DTNB: variants seen among roughly 807,000 people sequenced by gnomAD.
The protein encoded by DTNB is dystrobrevin beta.
DTNB carries 63 observed loss-of-function variants against 90.7 expected under a neutral mutation model. The ratio of observed to expected loss-of-function variants is 0.69; its 90% CI spans 0.57 to 0.86. The LOEUF is 0.86. Among genes scored for constraint, DTNB ranks in the 40% least tolerant of loss-of-function variants. The probability of loss-of-function intolerance (pLI) is 0.00; values close to 1 mark genes in which losing one functional copy is unlikely to be tolerated. For synonymous variants in DTNB, 277 were observed against 286.7 expected, an observed-to-expected ratio of 0.97 and a Z score of 0.34; for missense variants, 744 against 807.1, an observed-to-expected ratio of 0.92 and a Z score of 0.95.
At chr2:25,654,845 G>C (rs573866533) in intron 1 of DTNB, among the ~76,000 whole-genome samples, 4 of 152,328 alleles carry the variant, frequency 2.6e-5, no homozygotes, top group Non-Finnish European at 5.9e-5. Flanking sequence ...GTGTAAAACT[G>C]TGATGATCAC....
intron 16 of DTNB, chr2:25,419,194 A>G (rs185908960): frequency 2.3e-6 from 1 of 437,096 alleles, no homozygotes; most frequent in African/African-American, 2.0e-5. Flanking sequence ...CAAGCAATTA[A>G]AATCACTCCA....
chr2:25,673,269 C>T (rs999986909), intron 1 of DTNB, 117 bp downstream of exon 1: 2 of 151,734 alleles, frequency 1.3e-5, no homozygotes, highest in African/African-American at 4.8e-5. Flanking sequence ...GCCGCACCCG[C>T]AGGCTCCCGG....
chr2:25,666,305 A>C (rs1463244053), intron 1 of DTNB, among the ~76,000 whole-genome samples: 6 of 152,198 alleles, frequency 3.9e-5, no homozygotes, highest in East Asian at 1.9e-4. Context: ...GAAATGCCCC[A>C]AAAAAAGGCC....
intron 10 of DTNB, among the ~76,000 whole-genome samples, chr2:25,469,847 C>T (rs947231587): frequency 2.0e-5 from 3 of 152,110 alleles, no homozygotes; most frequent in Non-Finnish European, 2.9e-5. Context: ...GAAATGACTA[C>T]CTGCAGTGTA....
intron 11 of DTNB, among the ~76,000 whole-genome samples, chr2:25,454,706 T>C (rs1005521927): frequency 2.0e-5 from 3 of 152,210 alleles, no homozygotes; most frequent in African/African-American, 7.2e-5. Context: ...TTAGCAGTTA[T>C]CAAACGTTTT....
At chr2:25,482,633 A>G (rs79895726) in intron 10 of DTNB, among the ~76,000 whole-genome samples, 163 bp downstream of exon 10, 4,254 of 152,202 alleles carry the variant, frequency 0.028, 157 homozygotes, top group African/African-American at 0.086. Context: ...AAAGGAAAAT[A>G]AAAAGTAGAA....
intron 10 of DTNB, among the ~76,000 whole-genome samples, chr2:25,469,299 T>C (rs1313107606): frequency 6.6e-6 from 1 of 152,040 alleles, no homozygotes; most frequent in Admixed American, 6.6e-5. Flanking sequence ...GAAGGGTATG[T>C]GCAAAAGTGC....
In DTNB at chr2:25,641,175, G is replaced by A. The variant is rs1227763073; in HGVS notation, c.68-2081C>T. ...ATCACCATAAAGCCCAGTGGAAAAA[G>A]GGTACAGAGATTAGTAGGATGGCAC... On this transcript the variant is annotated intron_variant, in intron 2 of 20. Coordinates refer to ENST00000406818, the MANE Select transcript of DTNB (RefSeq NM_021907.5). 2.6e-5 allele frequency among the ~76,000 whole-genome samples: 4 copies of A among 152,272 alleles called. No homozygotes were observed. The East Asian group carries it at 7.7e-4, about 29-fold the overall frequency.
At chr2:25,400,178 T>A (rs1210726007) in intron 16 of DTNB, among the ~76,000 whole-genome samples, 1 of 152,220 alleles carries the variant, frequency 6.6e-6, no homozygotes, top group Non-Finnish European at 1.5e-5. Context: ...CTGGAGTGTG[T>A]GGCGCACATG....
intron 19 of DTNB, 162 bp from the exon 20 acceptor site, chr2:25,379,485 G>C (rs769536748): frequency 3.4e-6 from 3 of 884,806 alleles, no homozygotes; most frequent in Non-Finnish European, 4.5e-6. Context: ...TGACAGCAGG[G>C]TAGAGTCATA....
chr2:25,437,743 T>C (rs902402606), intron 12 of DTNB, among the ~76,000 whole-genome samples: 2 of 152,144 alleles, frequency 1.3e-5, no homozygotes, highest in Admixed American at 6.5e-5. Flanking sequence ...CAGAGAGACA[T>C]GAAGATGATT....
intron 8 of DTNB, among the ~76,000 whole-genome samples, chr2:25,543,399 G>A (rs1005822936): frequency 1.3e-5 from 2 of 151,482 alleles, no homozygotes; most frequent in African/African-American, 2.4e-5. Flanking sequence ...TCTGCCTCCC[G>A]GGTTCAAGTG....
intron 12 of DTNB, among the ~76,000 whole-genome samples, chr2:25,447,754 C>G (rs1340120478): frequency 6.6e-6 from 1 of 152,028 alleles, no homozygotes; most frequent in Non-Finnish European, 1.5e-5. Flanking sequence ...GGTGATCCAC[C>G]CACCTCGGCC....
intron 14 of DTNB, among the ~76,000 whole-genome samples, chr2:25,431,436 A>G (rs1340014910): frequency 6.6e-6 from 1 of 152,206 alleles, no homozygotes; most frequent in Non-Finnish European, 1.5e-5. Context: ...TAGGCATAGA[A>G]AACTGTCCCA....
chr2:25,481,493 G>C (rs2064958654), intron 10 of DTNB: 1 of 151,934 alleles, frequency 6.6e-6, no homozygotes. Context: ...TCTGGCTCAA[G>C]AGTCCATGCT....
At chr2:25,406,294 G>A (rs2045145209) in intron 16 of DTNB, among the ~76,000 whole-genome samples, 1 of 152,068 alleles carries the variant, frequency 6.6e-6, no homozygotes, top group South Asian at 2.1e-4. Context: ...TACTACTGGT[G>A]CTTAGTGGGT....
At chr2:25,577,027 G>A in intron 7 of DTNB, 23 bp from the exon 8 acceptor site, 3 of 1,557,310 alleles carry the variant, frequency 1.9e-6, no homozygotes, top group Non-Finnish European at 1.7e-6. Context: ...AGAGAAAAGG[G>A]GAGAAAAAAG....
intron 10 of DTNB, among the ~76,000 whole-genome samples, chr2:25,469,841 T>C (rs933121506): frequency 2.0e-5 from 3 of 152,100 alleles, no homozygotes; most frequent in Non-Finnish European, 2.9e-5. Context: ...TTTGGAGAAA[T>C]GACTACCTGC....
intron 8 of DTNB, among the ~76,000 whole-genome samples, chr2:25,547,996 G>A (rs2082792907): frequency 6.6e-6 from 1 of 152,082 alleles, no homozygotes; most frequent in Non-Finnish European, 1.5e-5. Flanking sequence ...AAAACTGTCT[G>A]TACCCCATAT....
Sources: gnomAD v4.1 joint callset for allele counts (sites outside exome capture counted in the v4.1 genomes callset) on GRCh38, gnomAD v4.1.1 for gene constraint, MANE v1.5 for transcripts, NCBI Gene and HGNC (gene_info 2026-07-23, HGNC 2026-07-21) for gene names.